The following RGS3 variants were observed in gnomAD, a reference collection of about 807,000 sequenced individuals.
The protein encoded by RGS3 is regulator of G protein signaling 3, also known as regulator of G-protein signalling 3.
RGS3 carries 80 observed loss-of-function variants against 132.6 expected under a neutral mutation model. That is an observed-to-expected ratio of 0.60 (90% CI 0.50 to 0.73). The LOEUF is 0.73. Among genes scored for constraint, RGS3 ranks in the 30% least tolerant of loss-of-function variants. RGS3 has a pLI of 0.00. For missense variants in RGS3, 1,382 were observed against 1,530.8 expected, an observed-to-expected ratio of 0.90 and a Z score of 1.62; for synonymous variants, 598 against 620.6, an observed-to-expected ratio of 0.96 and a Z score of 0.54.
intron 7 of RGS3, among the ~76,000 whole-genome samples, chr9:113,487,651 G>C (rs1830382969): frequency 6.6e-6 from 1 of 152,182 alleles, no homozygotes; most frequent in Non-Finnish European, 1.5e-5. Context: ...AGAGAGGGAA[G>C]GGCAGGGCAA....
intron 8 of RGS3, 47 bp from the exon 7 acceptor site, chr9:113,497,267 G>A (rs751082327): frequency 6.7e-7 from 1 of 1,488,156 alleles, no homozygotes; most frequent in Non-Finnish European, 9.4e-7. Flanking sequence ...CCTGACCTGT[G>A]CTTCTGCCTC....
intron 1 of RGS3, among the ~76,000 whole-genome samples, chr9:113,452,049 A>C (rs1284817407): frequency 6.6e-6 from 1 of 151,992 alleles, no homozygotes; most frequent in East Asian, 1.9e-4. Context: ...CCCAGGCTGG[A>C]GTCCAATAGT....
chr9:113,479,609 G>C (rs566165665), intron 4 of RGS3, 68 bp downstream of exon 2: 1 of 1,474,070 alleles, frequency 6.8e-7, no homozygotes, highest in South Asian at 1.1e-5. Context: ...CTGGGGCTGG[G>C]GTTGGGGGAT....
In RGS3 at chr9:113,507,509, C is replaced by T. The variant is rs751120134; in HGVS notation, c.1308C>T (p.Leu436=). 3.1e-5 allele frequency: 50 copies of T among 1,609,784 alleles called. No individual in the cohort carries two copies. Among genetic ancestry groups the T allele is most frequent in the Non-Finnish European group, 3.9e-5 (46 of 1,178,172 alleles). The change falls in exon 13 of 25, where the codon CTC becomes CTT. Residue 436 remains leucine (L), a synonymous_variant. Coordinates refer to ENST00000350696, the Ensembl canonical transcript of RGS3. The surrounding 1 kb of genome is among the most constrained non-coding windows in gnomAD (Gnocchi z 5.0). ...GTGACAGCTCTGATGGGCTGCTGCT[C>T]GGCGGCTGGGAGCGCTACACCGAGG... is the stretch of plus-strand genomic sequence containing the variant.
chr9:113,577,580 G>C (rs866099894), intron 19 of RGS3, among the ~76,000 whole-genome samples: 1 of 152,156 alleles, frequency 6.6e-6, no homozygotes. Context: ...TGTAGAGTTG[G>C]GGGTACTGAT....
In RGS3 at chr9:113,506,238, C is replaced by T; in HGVS notation, c.980-150C>T. 1.7e-6 allele frequency: 1 copy of T among 600,470 alleles called. No individual in the cohort carries two copies. The allele number at this position is 600,470 out of a possible 1,614,324, so 37.2% of individuals were successfully genotyped here. On this transcript the variant is annotated intron_variant, in intron 11 of 24. Transcript: ENST00000350696. This position sits in a 1 kb window ranked among gnomAD's most constrained non-coding sequence, Gnocchi z 4.7. ...CTTCTTTCAAGGCTCTTGAGAGGCA[C>T]CAAGTTCAGTCCCTCATTTCACGGA... is the stretch of plus-strand genomic sequence containing the variant.
chr9:113,596,502 C>T (rs945280650), intron 24 of RGS3, among the ~76,000 whole-genome samples: 1 of 152,224 alleles, frequency 6.6e-6, no homozygotes, highest in Non-Finnish European at 1.5e-5. Context: ...GTCACACACC[C>T]AGGTGTGGCA....
Position 113,510,538 on chromosome 9 carries a change from G to C in RGS3, c.1477+1958G>C, listed in dbSNP as rs1390737908. ...TGGAGTCTGGTCGTGGAGGAGGGGG[G>C]CTGGAGAAGTGTGCTGCCTGGAGTG... On this transcript the variant is annotated intron_variant, in intron 14 of 24. Coordinates refer to ENST00000350696, the Ensembl canonical transcript of RGS3. 2.6e-5 allele frequency among the ~76,000 whole-genome samples: 4 copies of C among 152,196 alleles called. No individual in the cohort carries two copies. The East Asian group carries it at 7.7e-4, about 29-fold the overall frequency.
chr9:113,498,009 C>A lies in RGS3; in HGVS notation c.842-16C>A, dbSNP rs7038258. 2.5e-3 allele frequency: 3,992 copies of A among 1,613,838 alleles called. 85 individuals carry two copies. In the African/African-American group the frequency reaches 0.048, roughly 19 times the overall value. ...TGCCACCAGAAGTTTTCTGATTCTG[C>A]TCTGTCACCTTCCAGACCCGCTGCT... On this transcript the variant is annotated splice_polypyrimidine_tract_variant and intron_variant, in intron 9 of 24. Transcript: ENST00000350696.
intron 8 of RGS3, among the ~76,000 whole-genome samples, chr9:113,497,035 C>T (rs1830708125): frequency 6.6e-6 from 1 of 152,174 alleles, no homozygotes. Context: ...CATCAAAGAG[C>T]CTGTGCACAA....
intron 10 of RGS3, chr9:113,501,673 G>T (rs757123906): frequency 5.2e-6 from 8 of 1,534,514 alleles, no homozygotes; most frequent in East Asian, 2.4e-5. Context: ...GGGTGTTCAG[G>T]GATAGGGGTA....
At chr9:113,518,284 A>G (rs938686102) in intron 16 of RGS3, among the ~76,000 whole-genome samples, 1 of 152,250 alleles carries the variant, frequency 6.6e-6, no homozygotes, top group African/African-American at 2.4e-5. Context: ...GGGTGAGGGT[A>G]GCAGGCTCTT....
In RGS3 at chr9:113,510,735, G is replaced by A. The variant is rs151001277; in HGVS notation, c.1477+2155G>A. On this transcript the variant is annotated intron_variant, in intron 14 of 24. Transcript: ENST00000350696. ...ATCTAAGCCATGGGGAAAGGGACAA[G>A]TGAGGAAATGATGATGATATTAATA... Among the ~76,000 whole-genome samples, 96 of 152,316 alleles carry A rather than the reference G, an allele frequency of 6.3e-4. No individual in the cohort carries two copies. In the East Asian group the frequency reaches 0.016, roughly 26 times the overall value.
intron 7 of RGS3, among the ~76,000 whole-genome samples, chr9:113,487,434 G>A (rs566380630): frequency 6.6e-6 from 1 of 152,328 alleles, no homozygotes; most frequent in South Asian, 2.1e-4. Flanking sequence ...TCTTACAACA[G>A]CTCTAAGAAG....
intron 6 of RGS3, among the ~76,000 whole-genome samples, chr9:113,485,208 C>T (rs536903266): frequency 2.6e-5 from 4 of 152,140 alleles, no homozygotes; most frequent in African/African-American, 7.2e-5. Flanking sequence ...CTGCCTCAGC[C>T]TCTGGAGTAG....
chr9:113,584,009 G>T, exon 20 of RGS3: 2 of 1,614,156 alleles, frequency 1.2e-6, no homozygotes. Flanking sequence ...AGCACCTACA[G>T]CCAGAAGGCA....
At chr9:113,497,283 T>C in intron 8 of RGS3, 31 bp from the exon 7 acceptor site, 1 of 1,571,274 alleles carries the variant, frequency 6.4e-7, no homozygotes. Context: ...GCCTCCTGTG[T>C]CTGAGCGTGC....
At chr9:113,541,273 G>T (rs760691550) in intron 19 of RGS3, 4 of 1,588,664 alleles carry the variant, frequency 2.5e-6, no homozygotes, top group Admixed American at 3.4e-5. Flanking sequence ...CAGGCAGCCC[G>T]GCCTGAGTAG....
Position 113,490,916 on chromosome 9 carries a change from A to G in RGS3, c.690-4870A>G, listed in dbSNP as rs1378883363. ...AACCTAATTATAATTATATATCAGT[A>G]TATATAATTATATATAACCTAATTA... is the stretch of plus-strand genomic sequence containing the variant. On this transcript the variant is annotated intron_variant, in intron 7 of 24. Transcript: ENST00000350696. Among the ~76,000 whole-genome samples, 25 of 131,206 alleles carry G rather than the reference A, an allele frequency of 1.9e-4. 1 individual carries two copies. The Admixed American group carries it at 2.0e-3, about 10-fold the overall frequency. 86.1% of individuals were successfully genotyped at this position (131,206 alleles called of 152,430 possible).
Sources: allele counts gnomAD v4.1 joint callset (sites outside exome capture counted in the v4.1 genomes callset), GRCh38; gene constraint gnomAD v4.1.1; non-coding constraint Gnocchi (gnomAD v3.1); transcripts MANE v1.5; gene names NCBI Gene and HGNC (gene_info 2026-07-23, HGNC 2026-07-21).